Variants in ADA2 observed in about 807,000 individuals in gnomAD.
ADA2 encodes adenosine deaminase CECR1.
In ADA2, 29 loss-of-function variants were observed where a neutral mutation model predicts 44.2. That is an observed-to-expected ratio of 0.66 (90% CI 0.49 to 0.89). The LOEUF (loss-of-function observed/expected upper bound fraction) is 0.89, where lower values mean the gene tolerates loss of function less well. ADA2 is among the 40% of genes least tolerant of loss of function. The pLI is 0.00. For synonymous variants in ADA2, 215 were observed against 234.9 expected (o/e 0.92, Z 0.77); for missense variants, 637 against 644.8 (o/e 0.99, Z 0.13).
intron 7 of ADA2, among the ~76,000 whole-genome samples, chr22:17,185,653 TC>T (rs1390773075): frequency 3.3e-4 from 50 of 151,880 alleles, no homozygotes; most frequent in Admixed American, 3.3e-3. Flanking sequence ...CCCAACCCCC[TC>T]CCCCTCAAAC....
chr22:17,183,342 C>T (rs1228543826), intron 7 of ADA2, among the ~76,000 whole-genome samples: 1 of 152,046 alleles, frequency 6.6e-6, no homozygotes, highest in African/African-American at 2.4e-5. Context: ...CTCAGCCTCC[C>T]AAAGTGCTGG....
At chr22:17,201,155 G>T (rs886693267) in intron 4 of ADA2, among the ~76,000 whole-genome samples, 3 of 150,316 alleles carry the variant, frequency 2.0e-5, no homozygotes, top group African/African-American at 7.3e-5. Context: ...GTTGCAGTGA[G>T]GCAAGATCAT....
intron 4 of ADA2, among the ~76,000 whole-genome samples, chr22:17,200,896 A>C (rs1436932674): frequency 6.6e-6 from 1 of 151,456 alleles, no homozygotes; most frequent in Non-Finnish European, 1.5e-5. Context: ...AAAAAAAAAA[A>C]CATATCTAAG....
In ADA2 at chr22:17,179,611, C is replaced by G. The variant is rs14332; in HGVS notation, c.*1872G>C. On this transcript the variant is annotated 3_prime_UTR_variant, in exon 10 of 10. Transcript: ENST00000399837. ...CAAGACAAAAGGGGAAAGAAGGAAT[C>G]TTCCAGGCAGAGAGAAAGAGAAAAG... 95,147 of 152,262 alleles carry G rather than the reference C, an allele frequency of 0.62. 31,088 individuals are homozygous for G. The highest frequency in any genetic ancestry group is 0.81 in the African/African-American group (33,620 of 41,500). The allele number at this position is 152,262 out of a possible 1,614,324, so 9.4% of individuals were successfully genotyped here.
At chr22:17,198,952 G>T (rs532267983) in intron 4 of ADA2, among the ~76,000 whole-genome samples, 2 of 152,302 alleles carry the variant, frequency 1.3e-5, no homozygotes, top group South Asian at 4.1e-4. Flanking sequence ...GACCAGGCAG[G>T]GGGAGGCGAG....
At chr22:17,218,940 T>C (rs1263960626) in intron 1 of ADA2, among the ~76,000 whole-genome samples, 1 of 152,208 alleles carries the variant, frequency 6.6e-6, no homozygotes, top group African/African-American at 2.4e-5. Flanking sequence ...GCAGATCACC[T>C]GACGTCAGTC....
chr22:17,214,800 C>T (rs2062453318), intron 1 of ADA2, among the ~76,000 whole-genome samples: 1 of 152,232 alleles, frequency 6.6e-6, no homozygotes, highest in Admixed American at 6.5e-5. Flanking sequence ...AACCCTCCTT[C>T]CAGGTACTCC....
chr22:17,199,442 C>CCCCTCCCTCCCCTCCTCAATCCACATA, intron 4 of ADA2: 1 of 1,022,722 alleles, frequency 9.8e-7, no homozygotes, highest in Non-Finnish European at 1.5e-6. Flanking sequence ...CTATCCTCTT[C>CCCCTCCCTCCCCTCCTCAATCCACATA]CCCTCCACCC....
At chr22:17,216,906 A>G (rs2062479825) in intron 1 of ADA2, among the ~76,000 whole-genome samples, 1 of 152,092 alleles carries the variant, frequency 6.6e-6, no homozygotes, top group South Asian at 2.1e-4. Flanking sequence ...GAAAGAAACC[A>G]AAACAAAACA....
rs181856619 is a variant in ADA2 at position 17,204,373 on chromosome 22, T to C, written c.543-600A>G. 2.9e-3 allele frequency among the ~76,000 whole-genome samples: 446 copies of C among 152,176 alleles called. 1 individual carries two copies. The highest frequency in any genetic ancestry group is 6.8e-3 in the Middle Eastern group (2 of 294). ...GGCTCACGCCTGTAATCCCAACACT[T>C]TGGGAGGCCAAGATGGGTGGATCAT... On this transcript the variant is annotated intron_variant, in intron 3 of 9. Coordinates refer to ENST00000399837, the MANE Select transcript of ADA2 (RefSeq NM_001282225.2).
Position 17,209,473 on chromosome 22 carries a change from C to A in ADA2, c.205G>T (p.Ala69Ser), listed in dbSNP as rs374965869. The A allele has an allele frequency of 6.2e-7, 1 of 1,613,952 alleles. No individual in the cohort carries two copies. The highest frequency in any genetic ancestry group is 2.2e-5 in the East Asian group (1 of 44,896). Residue 69 changes from alanine to serine, a missense_variant, in exon 2 of 10, where the codon GCT becomes TCT. Transcript: ENST00000399837. Reference sequence around the variant, plus strand: ...GTCCTCATGGCCTCCTTCATCTCAGCGATTTTGAGCGTCATGAGCCTCTCA... The same window carrying A: ...GTCCTCATGGCCTCCTTCATCTCAGAGATTTTGAGCGTCATGAGCCTCTCA... ...ANERLMTLKI[A>S]EMKEAMRTLI...
At chr22:17,195,255 A>C (rs1280564588) in intron 4 of ADA2, among the ~76,000 whole-genome samples, 1 of 152,234 alleles carries the variant, frequency 6.6e-6, no homozygotes, top group African/African-American at 2.4e-5. Context: ...GTGATGGCTC[A>C]TGCCTGTAAT....
chr22:17,188,465 A>G lies in ADA2; in HGVS notation c.973-18T>C, dbSNP rs2062066388. On this transcript the variant is annotated intron_variant, in intron 6 of 9. Transcript: ENST00000399837. ...TGCCCCACCTGCAGGACAGAGAGGG[A>G]CAGGGAGGTGTCTGCAGGGCGCATG... 1 of 1,572,104 alleles carries G rather than the reference A, an allele frequency of 6.4e-7. No homozygotes were observed. The highest frequency in any genetic ancestry group is 1.1e-5 in the South Asian group (1 of 90,198).
rs2062364807 is a variant in ADA2 at position 17,207,261 on chromosome 22, T to G, written c.352A>C (p.Ile118Leu). ...CTCACCAGCCAGTCCATAGTCACGA[T>G]GCCAATGTCATGGAGGTGCAAGGCA... is the stretch of plus-strand genomic sequence containing the variant. ...GAALHLHDIG[I>L]VTMDWLVRNV... is the part of the protein sequence containing the mutation. The change falls in exon 3 of 10, where the codon ATC becomes CTC. Residue 118 changes from isoleucine to leucine, a missense_variant. By Grantham distance (5) the Ile-to-Leu change is conservative. Transcript: ENST00000399837. 6.2e-7 allele frequency: 1 copy of G among 1,609,824 alleles called. No individual in the cohort carries two copies. The highest frequency in any genetic ancestry group is 8.5e-7 in the Non-Finnish European group (1 of 1,176,540).
At chr22:17,194,264 C>T (rs79176285) in intron 4 of ADA2, among the ~76,000 whole-genome samples, 4,933 of 152,178 alleles carry the variant, frequency 0.032, 291 homozygotes, top group African/African-American at 0.11. Flanking sequence ...TTCCTCCTCC[C>T]GGGAGTCGGC....
At chr22:17,183,922 TC>T (rs1601423592) in intron 7 of ADA2, among the ~76,000 whole-genome samples, 1 of 148,284 alleles carries the variant, frequency 6.7e-6, no homozygotes. Flanking sequence ...TCTTGTGGCC[TC>T]CCTTCTCCCC....
intron 5 of ADA2, among the ~76,000 whole-genome samples, chr22:17,190,338 C>T (rs1261903884): frequency 6.6e-6 from 1 of 152,158 alleles, no homozygotes; most frequent in Non-Finnish European, 1.5e-5. Flanking sequence ...TAGAGGAGGC[C>T]AGGTGGCCTT....
intron 7 of ADA2, 125 bp downstream of exon 7, chr22:17,188,214 T>G: frequency 2.3e-5 from 14 of 612,768 alleles, no homozygotes; most frequent in Admixed American, 5.8e-5. Flanking sequence ...CAGGATTAAG[T>G]GAGATAGAGC....
chr22:17,207,748 CA>C (rs2062371335), intron 2 of ADA2, among the ~76,000 whole-genome samples: 1 of 152,094 alleles, frequency 6.6e-6, no homozygotes, highest in African/African-American at 2.4e-5. Context: ...TGAGGCCACC[CA>C]ACACTGCATG....
Sources: gnomAD v4.1 joint callset for allele counts (sites outside exome capture counted in the v4.1 genomes callset) on GRCh38, gnomAD v4.1.1 for gene constraint, MANE v1.5 for transcripts, NCBI Gene and HGNC (gene_info 2026-07-23, HGNC 2026-07-21) for gene names.